GSDMD: variants seen among roughly 807,000 people sequenced by gnomAD.
GSDMD encodes the protein gasdermin-D.
Under a neutral mutation model 46.7 loss-of-function variants are expected in GSDMD, and 46 were observed. The ratio of observed to expected loss-of-function variants is 0.99; its 90% CI spans 0.78 to 1.26. The LOEUF is 1.26. GSDMD is among the 50% of genes most tolerant of loss of function. GSDMD has a pLI of 0.00. For synonymous variants in GSDMD, 307 were observed against 283.1 expected, an observed-to-expected ratio of 1.08 and a Z score of -0.85; for missense variants, 649 against 638.8, an observed-to-expected ratio of 1.02 and a Z score of -0.17.
chr8:143,555,538 T>C (rs902368253), upstream of GSDMD, among the ~76,000 whole-genome samples: 1 of 152,140 alleles, frequency 6.6e-6, no homozygotes, highest in African/African-American at 2.4e-5. Context: ...CCCCAACACC[T>C]GTGGCCTTGC....
At chr8:143,561,511 G>A in intron 6 of GSDMD, 88 bp downstream of exon 6, 1 of 1,349,384 alleles carries the variant, frequency 7.4e-7, no homozygotes, top group South Asian at 1.2e-5. Flanking sequence ...TGTTCTCAGG[G>A]CACAGGGAGG....
In GSDMD at chr8:143,562,358, G is replaced by C. The variant is rs540553104; in HGVS notation, c.1138+8G>C. On this transcript the variant is annotated splice_region_variant and intron_variant, in intron 9 of 10. Transcript: ENST00000262580. ...TGCTGGGGGCACTGACCAGTGAGCG[G>C]CCGCTGGGGGCAGGTGGCGGGTGGG... 2 of 1,410,238 alleles carry C rather than the reference G, an allele frequency of 1.4e-6. No homozygotes were observed. Among genetic ancestry groups the C allele is most frequent in the Middle Eastern group, 2.1e-4 (1 of 4,678 alleles). 87.4% of individuals were successfully genotyped at this position (1,410,238 alleles called of 1,614,324 possible). A position where few individuals can be genotyped will look rare whatever the true frequency, so the allele number is the denominator to read the frequency against.
Position 143,558,441 on chromosome 8 carries a change from CGACGGTCACGGT to C in GSDMD, c.-12_-5+4del. ...GCCAGACGCGCCACCCTCGGGGCGC[CGACGGTCACGGT>C]GAGCTGCGCCCCGCCCCCTCCCCCG... On this transcript the variant is annotated splice_donor_variant and 5_prime_UTR_variant, in exon 1 of 11. Transcript: ENST00000262580. LOFTEE classifies it low-confidence loss of function (5UTR_SPLICE). The C allele has an allele frequency of 6.7e-7, 1 of 1,502,378 alleles. No homozygotes were observed. Among genetic ancestry groups the C allele is most frequent in the Middle Eastern group, 1.7e-4 (1 of 5,814 alleles). The allele number at this position is 1,502,378 out of a possible 1,614,324, so 93.1% of individuals were successfully genotyped here.
upstream of GSDMD, among the ~76,000 whole-genome samples, chr8:143,554,366 G>A (rs1298938226): frequency 2.0e-5 from 3 of 152,264 alleles, no homozygotes; most frequent in Admixed American, 1.3e-4. Context: ...CAACACGCAC[G>A]TGCATGCACC....
At chr8:143,556,652 G>A (rs1380993495), upstream of GSDMD, among the ~76,000 whole-genome samples, 7 of 152,226 alleles carry the variant, frequency 4.6e-5, no homozygotes, top group Non-Finnish European at 2.9e-5. Flanking sequence ...CTAGGAGTGG[G>A]GCCGAAGCCC....
At position 143,558,383 on chromosome 8, in the gene GSDMD, G is replaced by A. The variant is rs1448839618; in HGVS notation, c.-73G>A. ...TTAGCTCTGGGCACCTCCAGCTCCTGCTCGCCGGACGGCTCCCAGGGAGAG... is the reference window on the plus strand; with the variant it reads ...TTAGCTCTGGGCACCTCCAGCTCCTACTCGCCGGACGGCTCCCAGGGAGAG... On this transcript the variant is annotated 5_prime_UTR_variant, in exon 1 of 11. Coordinates refer to ENST00000262580, the MANE Select transcript of GSDMD (RefSeq NM_024736.7). The A allele has an allele frequency of 1.3e-6, 2 of 1,518,888 alleles. No homozygotes were observed. The highest frequency in any genetic ancestry group is 1.2e-5 in the South Asian group (1 of 83,056). 94.1% of individuals were successfully genotyped at this position (1,518,888 alleles called of 1,614,324 possible).
rs562199918 is a variant in GSDMD at position 143,562,527 on chromosome 8, A to C, written c.1212+6A>C. On this transcript the variant is annotated splice_donor_region_variant and intron_variant, in intron 10 of 10. Coordinates refer to ENST00000262580, the MANE Select transcript of GSDMD (RefSeq NM_024736.7). ...TGTTGGGGCCGCTCGAGCTGGTGAG[A>C]GGGTTGGGTTCGGGCTGCAGGAGGA... 50 of 1,605,600 alleles carry C rather than the reference A, an allele frequency of 3.1e-5. No individual in the cohort carries two copies. The highest frequency in any genetic ancestry group is 4.1e-5 in the Non-Finnish European group (48 of 1,179,284).
chr8:143,558,322 C>T (rs1190473975), upstream of GSDMD: 6 of 1,521,934 alleles, frequency 3.9e-6, no homozygotes, highest in Non-Finnish European at 5.3e-6. Context: ...GGGAGGGCGT[C>T]CTGGGCGGGC....
chr8:143,556,869 C>G (rs1031257618), upstream of GSDMD, among the ~76,000 whole-genome samples: 2 of 152,244 alleles, frequency 1.3e-5, no homozygotes, highest in Non-Finnish European at 2.9e-5. Flanking sequence ...ATTCCCATAC[C>G]ATACAATTCA....
Position 143,558,409 on chromosome 8 carries a change from C to A in GSDMD, c.-47C>A. The A allele has an allele frequency of 6.6e-7, 1 of 1,507,866 alleles. No individual in the cohort carries two copies. Among genetic ancestry groups the A allele is most frequent in the Non-Finnish European group, 8.8e-7 (1 of 1,134,858 alleles). The allele number at this position is 1,507,866 out of a possible 1,614,324, so 93.4% of individuals were successfully genotyped here. On this transcript the variant is annotated 5_prime_UTR_variant, in exon 1 of 11. Coordinates refer to ENST00000262580, the MANE Select transcript of GSDMD (RefSeq NM_024736.7). ...CTCGCCGGACGGCTCCCAGGGAGAG[C>A]AGACGCGCCAGACGCGCCACCCTCG...
rs758975297 is a variant in GSDMD at position 143,560,129 on chromosome 8, C to T, written c.410+160C>T. On this transcript the variant is annotated intron_variant, in intron 3 of 10. Coordinates refer to ENST00000262580, the MANE Select transcript of GSDMD (RefSeq NM_024736.7). ...CCTCAAGCAGTCCTCCTGCCTCGGC[C>T]TCCCAAAGTGCTGGGATTACAGGGG... The T allele has an allele frequency of 4.0e-6, 3 of 753,546 alleles. No homozygotes were observed. In the South Asian group the frequency reaches 4.4e-5, roughly 11 times the overall value. The allele number at this position is 753,546 out of a possible 1,614,324, so 46.7% of individuals were successfully genotyped here. A position where few individuals can be genotyped will look rare whatever the true frequency, so the allele number is the denominator to read the frequency against.
chr8:143,555,372 G>A (rs755904414), upstream of GSDMD, among the ~76,000 whole-genome samples: 24 of 152,190 alleles, frequency 1.6e-4, no homozygotes, highest in Admixed American at 1.4e-3. Flanking sequence ...CCAGGCTGCC[G>A]CAACATCCCT....
chr8:143,558,226 C>G, upstream of GSDMD: 1 of 1,242,688 alleles, frequency 8.0e-7, no homozygotes, highest in East Asian at 2.9e-5. Context: ...CAAGGTTCCT[C>G]CGGACGCGCG....
At chr8:143,554,510 C>T (rs1823265168), upstream of GSDMD, among the ~76,000 whole-genome samples, 1 of 150,200 alleles carries the variant, frequency 6.7e-6, no homozygotes, top group Admixed American at 6.6e-5. Context: ...GCACAATACG[C>T]ACGTGTGTGC....
At chr8:143,557,383 G>A (rs1308844871), upstream of GSDMD, among the ~76,000 whole-genome samples, 15,817 of 111,458 alleles carry the variant, frequency 0.14, 1,959 homozygotes, top group Non-Finnish European at 0.2. Flanking sequence ...CTATGGCGAA[G>A]GATGATGCCG....
intron 2 of GSDMD, 60 bp downstream of exon 2, chr8:143,559,612 C>T: frequency 6.6e-7 from 1 of 1,525,056 alleles, no homozygotes. Flanking sequence ...GGGGAGCGGG[C>T]TGGGGCCAAC....
rs1823399152 is a variant in GSDMD, at chr8:143,559,555, GC to G, written c.217+5del. ...GGAGCCGGATGCCGCGGAACCAGGT[GC>G]CTGATGTGGTGCTGAGGCAGAGCCC... On this transcript the variant is annotated splice_donor_region_variant and intron_variant, in intron 2 of 10. Coordinates refer to ENST00000262580, the MANE Select transcript of GSDMD (RefSeq NM_024736.7). The G allele has an allele frequency of 6.2e-7, 1 of 1,611,264 alleles. No individual in the cohort carries two copies. Among genetic ancestry groups the G allele is most frequent in the Non-Finnish European group, 8.5e-7 (1 of 1,178,960 alleles).
rs1459165694 is a variant in GSDMD, at chr8:143,558,392, A to C, written c.-64A>C. The C allele has an allele frequency of 2.0e-6, 3 of 1,518,996 alleles. No individual in the cohort carries two copies. Among genetic ancestry groups the C allele is most frequent in the Non-Finnish European group, 2.6e-6 (3 of 1,139,982 alleles). The allele number at this position is 1,518,996 out of a possible 1,614,324, so 94.1% of individuals were successfully genotyped here. A position where few individuals can be genotyped will look rare whatever the true frequency, so the allele number is the denominator to read the frequency against. On this transcript the variant is annotated 5_prime_UTR_variant, in exon 1 of 11. Coordinates refer to ENST00000262580, the MANE Select transcript of GSDMD (RefSeq NM_024736.7). ...GGCACCTCCAGCTCCTGCTCGCCGG[A>C]CGGCTCCCAGGGAGAGCAGACGCGC...
chr8:143,558,379 T>A lies in GSDMD; in HGVS notation c.-77T>A. The A allele has an allele frequency of 6.6e-7, 1 of 1,519,782 alleles. No individual in the cohort carries two copies. Among genetic ancestry groups the A allele is most frequent in the Non-Finnish European group, 8.8e-7 (1 of 1,140,298 alleles). The allele number at this position is 1,519,782 out of a possible 1,614,324, so 94.1% of individuals were successfully genotyped here. On this transcript the variant is annotated 5_prime_UTR_variant, in exon 1 of 11. Coordinates refer to ENST00000262580, the MANE Select transcript of GSDMD (RefSeq NM_024736.7). ...ACTTTTAGCTCTGGGCACCTCCAGCTCCTGCTCGCCGGACGGCTCCCAGGG... is the reference window on the plus strand; with the variant it reads ...ACTTTTAGCTCTGGGCACCTCCAGCACCTGCTCGCCGGACGGCTCCCAGGG...
Sources: gnomAD v4.1 joint callset for allele counts (sites outside exome capture counted in the v4.1 genomes callset) on GRCh38, gnomAD v4.1.1 for gene constraint, MANE v1.5 for transcripts, NCBI Gene and HGNC (gene_info 2026-07-23, HGNC 2026-07-21) for gene names.